The following KRT6A variants were observed in gnomAD, a reference collection of about 807,000 sequenced individuals.
The protein encoded by KRT6A is keratin, type II cytoskeletal 6A.
KRT6A carries 28 observed loss-of-function variants against 48.6 expected under a neutral mutation model. That is an observed-to-expected ratio of 0.58 (90% CI 0.43 to 0.79). The LOEUF is 0.79. Ranked by LOEUF, KRT6A falls within the 30% of genes least tolerant of loss-of-function variation. The pLI is 0.00. For synonymous variants in KRT6A, 301 were observed against 294.2 expected (o/e 1.02, Z -0.24); for missense variants, 687 against 724.3 (o/e 0.95, Z 0.59).
chr12:52,491,828 A>C (rs977677438), intron 1 of KRT6A, 92 bp from the exon 2 acceptor site: 73 of 1,523,706 alleles, frequency 4.8e-5, no homozygotes, highest in Non-Finnish European at 6.2e-5. Context: ...GGAGGTTCCC[A>C]TGGTGCTGGG....
Position 52,488,364 on chromosome 12 carries a change from G to A in KRT6A, c.1388C>T (p.Ala463Val), listed in dbSNP as rs1938188470. The change falls in exon 7 of 9, where the codon GCC (alanine) becomes GTC (valine). Residue 463 changes from alanine (A) to valine (V), a missense_variant. Physicochemically the swap from Ala to Val is moderately conservative, Grantham distance 64 (BLOSUM62 0). This residue lies in a region of KRT6A where 566 missense variants were observed against 565.3 expected (regional missense o/e 1.00). Coordinates refer to ENST00000330722, the MANE Select transcript of KRT6A (RefSeq NM_005554.4). The part of the protein sequence containing the change: ...NVKLALDVEI[A>V]TYRKLLEGEE... ...ACCCTCCAGCAGCTTGCGGTAGGTG[G>A]CGATCTCCACGTCCAGGGCCAGCTT... 1.2e-6 allele frequency: 2 copies of A among 1,614,006 alleles called. No homozygotes were observed. Among genetic ancestry groups the A allele is most frequent in the Non-Finnish European group, 1.7e-6 (2 of 1,180,030 alleles).
Position 52,487,309 on chromosome 12 carries a change from C to T in KRT6A, c.*411G>A. On this transcript the variant is annotated 3_prime_UTR_variant, in exon 9 of 9. Transcript: ENST00000330722. ...TGGATACTGCCTGGGTGGGGGTTCA[C>T]AACACTTATAAGTTAGAGAGTTTGA... 1 of 276,452 alleles carries T rather than the reference C, an allele frequency of 3.6e-6. No individual in the cohort carries two copies. The highest frequency in any genetic ancestry group is 7.0e-6 in the Non-Finnish European group (1 of 143,796). The allele number at this position is 276,452 out of a possible 1,614,324, so 17.1% of individuals were successfully genotyped here.
chr12:52,488,033 C>G, intron 8 of KRT6A, 36 bp downstream of exon 8: 2 of 1,614,100 alleles, frequency 1.2e-6, no homozygotes, highest in Non-Finnish European at 1.7e-6. Context: ...CAGAAGAGTG[C>G]GAGGGCAGGG....
intron 2 of KRT6A, 64 bp downstream of exon 2, chr12:52,491,458 G>A (rs1242050323): frequency 3.4e-5 from 54 of 1,588,102 alleles, no homozygotes; most frequent in Non-Finnish European, 4.3e-5. Flanking sequence ...TCTGGCCCTG[G>A]TCACCCAATA....
At position 52,487,555 on chromosome 12, in the gene KRT6A, T is replaced by G; in HGVS notation, c.*165A>C. ...TGGTGAGCAATGGGTGCTCAGATGG[T>G]ATAGAGAGAGAGAGAAGAAGTGAGG... On this transcript the variant is annotated 3_prime_UTR_variant, in exon 9 of 9. Coordinates refer to ENST00000330722, the MANE Select transcript of KRT6A (RefSeq NM_005554.4). 1.3e-6 allele frequency: 1 copy of G among 779,622 alleles called. No homozygotes were observed. Among genetic ancestry groups the G allele is most frequent in the Non-Finnish European group, 2.1e-6 (1 of 476,992 alleles). 48.3% of individuals were successfully genotyped at this position (779,622 alleles called of 1,614,324 possible). A position where few individuals can be genotyped will look rare whatever the true frequency, so the allele number is the denominator to read the frequency against.
Position 52,491,096 on chromosome 12 carries a change from G to C in KRT6A, c.816+16C>G. On this transcript the variant is annotated intron_variant, in intron 3 of 8. Transcript: ENST00000330722. ...TCCTTCTAAATGAATTTGAACCCCCGGCTTCATCTGCTCACCTTCTTCAGA... is the reference window on the plus strand; with the variant it reads ...TCCTTCTAAATGAATTTGAACCCCCCGCTTCATCTGCTCACCTTCTTCAGA... 1 of 1,613,760 alleles carries C rather than the reference G, an allele frequency of 6.2e-7. No individual in the cohort carries two copies. Among genetic ancestry groups the C allele is most frequent in the Middle Eastern group, 1.7e-4 (1 of 6,056 alleles).
intron 6 of KRT6A, 148 bp downstream of exon 6, chr12:52,489,795 G>A (rs17103964): frequency 2.3e-6 from 3 of 1,304,936 alleles, no homozygotes; most frequent in Non-Finnish European, 3.2e-6. Context: ...TGTCTCCTAA[G>A]CAGCAGGTAC....
At chr12:52,491,807 T>C (rs1938271684) in intron 1 of KRT6A, 71 bp from the exon 2 acceptor site, 1 of 1,588,494 alleles carries the variant, frequency 6.3e-7, no homozygotes, top group East Asian at 2.3e-5. Flanking sequence ...TCCGGTTTCC[T>C]GGCAGGTCCG....
Position 52,488,525 on chromosome 12 carries a change from A to G in KRT6A, c.1227T>C (p.Ile409=). 1 of 1,614,116 alleles carries G rather than the reference A, an allele frequency of 6.2e-7. No homozygotes were observed. Among genetic ancestry groups the G allele is most frequent in the South Asian group, 1.1e-5 (1 of 91,076 alleles). ...TCTCCCCACGCTGCTCAGCATCAGCAATGGCGGCCTGCAGGTTGGCGCACT... is the reference window on the plus strand; with the variant it reads ...TCTCCCCACGCTGCTCAGCATCAGCGATGGCGGCCTGCAGGTTGGCGCACT... ...KKQCANLQAA[I]ADAEQRGEMA... The change falls in exon 7 of 9, where the codon ATT becomes ATC. Residue 409 remains isoleucine (I), a synonymous_variant. Transcript: ENST00000330722.
intron 6 of KRT6A, 77 bp from the exon 7 acceptor site, chr12:52,488,625 G>GCGA: frequency 1.8e-6 from 2 of 1,130,136 alleles, no homozygotes; most frequent in Admixed American, 2.5e-5. Flanking sequence ...TTATTTCCTA[G>GCGA]TGAAGGGGCC....
chr12:52,492,525 C>A, intron 1 of KRT6A, 124 bp downstream of exon 1: 1 of 1,558,224 alleles, frequency 6.4e-7, no homozygotes. Context: ...CAGCCATCTG[C>A]ACTCTCTGCA....
Position 52,490,970 on chromosome 12 carries a change from C to T in KRT6A, c.817-17G>A. The T allele has an allele frequency of 3.1e-6, 5 of 1,613,916 alleles. No individual in the cohort carries two copies. The highest frequency in any genetic ancestry group is 3.4e-6 in the Non-Finnish European group (4 of 1,179,866). ...ATCCACATCCTGGGGAAAGAGCCAA[C>T]AACCTGGAGTTACCTGAGCTCACCT... On this transcript the variant is annotated splice_polypyrimidine_tract_variant and intron_variant, in intron 3 of 8. Coordinates refer to ENST00000330722, the MANE Select transcript of KRT6A (RefSeq NM_005554.4).
intron 6 of KRT6A, among the ~76,000 whole-genome samples, chr12:52,489,574 AG>A (rs1481587057): frequency 1.3e-5 from 2 of 152,066 alleles, no homozygotes; most frequent in African/African-American, 4.8e-5. Context: ...CCACTGGACA[AG>A]GCTGTATGTT....
chr12:52,493,127 T>C lies in KRT6A; in HGVS notation c.62A>G (p.Asn21Ser), dbSNP rs17845411. Residue 21 changes from asparagine (N) to serine (S), a missense_variant, in exon 1 of 9, where the codon AAC becomes AGC. By Grantham distance (46) the Asn-to-Ser change is conservative (BLOSUM62 1). Coordinates refer to ENST00000330722, the MANE Select transcript of KRT6A (RefSeq NM_005554.4). Reference protein sequence around the residue: ...HSSSRRGFSANSARLPGVSRS... With the variant: ...HSSSRRGFSASSARLPGVSRS... ...GCTGACCCCAGGGAGCCTGGCTGAG[T>C]TGGCACTGAAACCCCGGCGGCTGCT... is the stretch of plus-strand genomic sequence containing the variant. The C allele has an allele frequency of 0.24, 384,204 of 1,613,676 alleles. 47,828 individuals are homozygous for C. The highest frequency in any genetic ancestry group is 0.4 in the Admixed American group (23,867 of 59,990).
chr12:52,490,341 C>T, intron 5 of KRT6A: 1 of 915,930 alleles, frequency 1.1e-6, no homozygotes, highest in Non-Finnish European at 1.7e-6. Context: ...AAGCTAAATG[C>T]AGAGATGACT....
intron 5 of KRT6A, 176 bp from the exon 6 acceptor site, chr12:52,490,244 A>C: frequency 3.2e-6 from 4 of 1,248,328 alleles, no homozygotes; most frequent in Non-Finnish European, 3.4e-6. Context: ...GTCACAGACC[A>C]TCCTCATTAT....
At position 52,488,227 on chromosome 12, in the gene KRT6A, G is replaced by A. The variant is rs1202911835; in HGVS notation, c.1424+101C>T. The A allele has an allele frequency of 1.1e-5, 17 of 1,613,110 alleles. No individual in the cohort carries two copies. In the East Asian group the frequency reaches 3.1e-4, roughly 30 times the overall value. ...TGCTCTTTTAGTTTTCTCTCAGGAA[G>A]AGCAATTATGGCCATGGGCAGTGCA... On this transcript the variant is annotated intron_variant, in intron 7 of 8. Transcript: ENST00000330722.
Position 52,491,703 on chromosome 12 carries a change from C to A in KRT6A, c.574G>T (p.Glu192Ter). Residue 192 changes from glutamate (E) to a stop codon, truncating the protein, a stop_gained, in exon 2 of 9, where the codon GAA becomes TAA. Coordinates refer to ENST00000330722, the MANE Select transcript of KRT6A (RefSeq NM_005554.4). LOFTEE classifies it high-confidence loss of function. ...TCCTGCAGCAGGGTCCACTTTGTTTCCAGAACCTTGTTCTGCTGCTCCAGG... is the reference window on the plus strand; with the variant it reads ...TCCTGCAGCAGGGTCCACTTTGTTTACAGAACCTTGTTCTGCTGCTCCAGG... The part of the protein sequence containing the change: ...RFLEQQNKVL[E>*]TKWTLLQEQG... 1 of 1,614,194 alleles carries A rather than the reference C, an allele frequency of 6.2e-7. No homozygotes were observed. Among genetic ancestry groups the A allele is most frequent in the Non-Finnish European group, 8.5e-7 (1 of 1,180,030 alleles).
rs1938241543 is a variant in KRT6A at position 52,490,555 on chromosome 12, C to T, written c.1077+14G>A. Reference sequence around the variant, plus strand: ...GCACAGGGATTCCTCAGCGGCTGCCCACTCCCTGCTCACCTTGGTCTGGTA... The same window carrying T: ...GCACAGGGATTCCTCAGCGGCTGCCTACTCCCTGCTCACCTTGGTCTGGTA... On this transcript the variant is annotated intron_variant, in intron 5 of 8. Coordinates refer to ENST00000330722, the MANE Select transcript of KRT6A (RefSeq NM_005554.4). 6.2e-7 allele frequency: 1 copy of T among 1,614,086 alleles called. No homozygotes were observed. Among genetic ancestry groups the T allele is most frequent in the Non-Finnish European group, 8.5e-7 (1 of 1,180,048 alleles).
Sources: gnomAD v4.1 joint callset for allele counts (sites outside exome capture counted in the v4.1 genomes callset) on GRCh38, gnomAD v4.1.1 for gene constraint, gnomAD v4.1.1 regional missense constraint, MANE v1.5 for transcripts, NCBI Gene and HGNC (gene_info 2026-07-23, HGNC 2026-07-21) for gene names.